GCNT2: variants seen among roughly 807,000 people sequenced by gnomAD.
The protein encoded by GCNT2 is N-acetyllactosaminide beta-1,6-N-acetylglucosaminyl-transferase.
Under a neutral mutation model 34.2 loss-of-function variants are expected in GCNT2, and 34 were observed. The observed-to-expected ratio is 1.00, with a 90% CI of 0.76 to 1.32. The LOEUF (loss-of-function observed/expected upper bound fraction) is 1.32. GCNT2 is among the 40% of genes most tolerant of loss of function. The probability of loss-of-function intolerance (pLI) is 0.00; values close to 1 mark genes in which losing one functional copy is unlikely to be tolerated. For missense variants in GCNT2, 584 were observed against 489.4 expected, an observed-to-expected ratio of 1.19 and a Z score of -1.82; for synonymous variants, 212 against 188.0, an observed-to-expected ratio of 1.13 and a Z score of -1.04.
chr6:10,621,537 C>A, intron 4 of GCNT2, 94 bp downstream of exon 4: 1 of 792,906 alleles, frequency 1.3e-6, no homozygotes, highest in East Asian at 2.6e-5. Context: ...GAGAGAATTG[C>A]TGCTATATTT....
intron 3 of GCNT2, among the ~76,000 whole-genome samples, chr6:10,532,703 A>G (rs1434300094): frequency 2.0e-5 from 3 of 152,128 alleles, no homozygotes; most frequent in African/African-American, 7.2e-5. Context: ...TCCTGGGCCC[A>G]AGCGATCCTC....
chr6:10,549,004 G>A (rs975312175), intron 3 of GCNT2, among the ~76,000 whole-genome samples: 4 of 152,302 alleles, frequency 2.6e-5, no homozygotes, highest in South Asian at 4.1e-4. Flanking sequence ...TGATCCACAC[G>A]CCTTGGCCTT....
intron 3 of GCNT2, among the ~76,000 whole-genome samples, chr6:10,613,950 T>G (rs574743079): frequency 6.6e-6 from 1 of 152,230 alleles, no homozygotes; most frequent in South Asian, 2.1e-4. Context: ...GATCAGTCTC[T>G]GGCAGCAGGC....
intron 3 of GCNT2, among the ~76,000 whole-genome samples, chr6:10,563,780 ATATATATATAT>A (rs1763154523): frequency 6.0e-5 from 3 of 49,674 alleles, no homozygotes; most frequent in African/African-American, 3.5e-4. Context: ...AAAAAAAAAT[ATATATATATAT>A]ATATATATAT....
chr6:10,587,003 A>G, intron 3 of GCNT2: 1 of 913,628 alleles, frequency 1.1e-6, no homozygotes, highest in South Asian at 1.4e-5. Context: ...ATTATTATGA[A>G]ATAAATTTAA....
intron 3 of GCNT2, chr6:10,586,132 C>A: frequency 6.2e-7 from 1 of 1,614,156 alleles, no homozygotes. Flanking sequence ...AGGAAAACTG[C>A]CTGTAATCAC....
At chr6:10,606,071 T>G (rs1765299354) in intron 3 of GCNT2, among the ~76,000 whole-genome samples, 1 of 152,188 alleles carries the variant, frequency 6.6e-6, no homozygotes, top group Admixed American at 6.5e-5. Flanking sequence ...TCCTAGCACT[T>G]TGGGAGGCCA....
chr6:10,606,433 T>G (rs1437118819), intron 3 of GCNT2, among the ~76,000 whole-genome samples: 1 of 152,146 alleles, frequency 6.6e-6, no homozygotes, highest in African/African-American at 2.4e-5. Context: ...TACTGAACAA[T>G]GACTGCATAT....
intron 3 of GCNT2, among the ~76,000 whole-genome samples, chr6:10,588,831 A>G (rs1032359659): frequency 3.0e-4 from 33 of 109,316 alleles, no homozygotes; most frequent in African/African-American, 8.5e-4. Flanking sequence ...TTTGCAGTGT[A>G]TGTGTGTGGT....
At position 10,550,918 on chromosome 6, in the gene GCNT2, T is replaced by TA. The variant is rs747513494; in HGVS notation, c.925+21083dup. 2.6e-5 allele frequency among the ~76,000 whole-genome samples: 4 copies of TA among 152,308 alleles called. No individual in the cohort carries two copies. The East Asian group carries it at 5.8e-4, about 22-fold the overall frequency. ...GCAAACCACTAATCAGTACTACCCT[T>TA]ATCCTCAAGCTACAGACACACCCAA... On this transcript the variant is annotated intron_variant, in intron 3 of 4. Coordinates refer to ENST00000495262, the MANE Select transcript of GCNT2 (RefSeq NM_145649.5).
At chr6:10,617,451 G>A (rs1765829274) in intron 3 of GCNT2, among the ~76,000 whole-genome samples, 1 of 152,212 alleles carries the variant, frequency 6.6e-6, no homozygotes, top group Non-Finnish European at 1.5e-5. Context: ...GGCCAGCCCA[G>A]AAAGGGGCTC....
chr6:10,524,697 T>C (rs771509650), intron 1 of GCNT2, among the ~76,000 whole-genome samples: 5 of 151,900 alleles, frequency 3.3e-5, no homozygotes, highest in Non-Finnish European at 7.4e-5. Context: ...GGCATGGTGG[T>C]GCATACCTGT....
intron 3 of GCNT2, chr6:10,586,443 A>C: frequency 6.2e-7 from 1 of 1,614,210 alleles, no homozygotes; most frequent in Non-Finnish European, 8.5e-7. Context: ...AAATGCTTTC[A>C]TTGCTTCAAA....
chr6:10,540,126 T>TGGAA lies in GCNT2; in HGVS notation c.925+10304_925+10307dup, dbSNP rs201188967. 3.6e-3 allele frequency among the ~76,000 whole-genome samples: 539 copies of TGGAA among 149,896 alleles called. 14 individuals carry two copies. Among genetic ancestry groups the TGGAA allele is most frequent in the Admixed American group, 0.031 (460 of 15,004 alleles). Reference sequence around the variant, plus strand: ...GAAGGAAAAGGAAGAAAGTAAAGGATGGAAGGAAGGAAGGAAGAGAGGGAG... The same window carrying TGGAA: ...GAAGGAAAAGGAAGAAAGTAAAGGATGGAAGGAAGGAAGGAAGGAAGAGAGGGAG... On this transcript the variant is annotated intron_variant, in intron 3 of 4. Coordinates refer to ENST00000495262, the MANE Select transcript of GCNT2 (RefSeq NM_145649.5).
chr6:10,523,256 A>G (rs956032299), intron 1 of GCNT2, among the ~76,000 whole-genome samples: 4 of 151,920 alleles, frequency 2.6e-5, no homozygotes, highest in African/African-American at 9.7e-5. Flanking sequence ...CCCCATCTCT[A>G]CTAAAAAGAA....
In GCNT2 at chr6:10,529,371, T is replaced by C; in HGVS notation, c.460T>C (p.Ser154Pro). The C allele has an allele frequency of 1.2e-6, 2 of 1,614,094 alleles. No homozygotes were observed. The highest frequency in any genetic ancestry group is 1.7e-6 in the Non-Finnish European group (2 of 1,180,014). Residue 154 changes from serine (S) to proline (P), a missense_variant, in exon 3 of 5, where the codon TCC (serine) becomes CCC (proline). Physicochemically the swap from Ser to Pro is moderately conservative, Grantham distance 74 (BLOSUM62 -1). Transcript: ENST00000495262. ...LSCFPNAFLA[S>P]KKESVVYGGI... ...CTGCTTCCCAAATGCTTTTCTGGCT[T>C]CCAAGAAGGAGTCGGTTGTCTATGG...
intron 3 of GCNT2, among the ~76,000 whole-genome samples, chr6:10,582,279 AATAT>A (rs1486786895): frequency 2.8e-5 from 3 of 108,714 alleles, no homozygotes; most frequent in Admixed American, 1.1e-4. Context: ...TAAATATATA[AATAT>A]ATATAATATT....
chr6:10,537,753 C>T (rs1294960267), intron 3 of GCNT2, among the ~76,000 whole-genome samples: 2 of 144,328 alleles, frequency 1.4e-5, no homozygotes, highest in Non-Finnish European at 3.0e-5. Flanking sequence ...AAAGAAAATG[C>T]ATTTAATGTA....
At chr6:10,577,667 A>G (rs538996299) in intron 3 of GCNT2, among the ~76,000 whole-genome samples, 2 of 152,042 alleles carry the variant, frequency 1.3e-5, no homozygotes, top group African/African-American at 4.8e-5. Context: ...CAGCCTCCCG[A>G]GTAGCTGGGA....
Sources: allele counts gnomAD v4.1 joint callset (sites outside exome capture counted in the v4.1 genomes callset), GRCh38; gene constraint gnomAD v4.1.1; transcripts MANE v1.5; gene names NCBI Gene and HGNC (gene_info 2026-07-23, HGNC 2026-07-21).